The following ZNF66 variants were observed in gnomAD, a reference collection of about 807,000 sequenced individuals.
ZNF66 encodes the protein zinc finger protein 66.
In ZNF66, 32 loss-of-function variants were observed where a neutral mutation model predicts 35.2. That is an observed-to-expected ratio of 0.91 (90% CI 0.69 to 1.22). The LOEUF (loss-of-function observed/expected upper bound fraction) is 1.22, where lower values mean the gene tolerates loss of function less well. ZNF66 is among the 50% of genes most tolerant of loss of function. The pLI, the probability that ZNF66 is intolerant of heterozygous loss-of-function variation, is 0.00. For synonymous variants in ZNF66, 231 were observed against 181.3 expected, an observed-to-expected ratio of 1.27 and a Z score of -2.20; for missense variants, 666 against 543.1, an observed-to-expected ratio of 1.23 and a Z score of -2.25.
chr19:20,787,916 T>C (rs891622829), intron 1 of ZNF66, among the ~76,000 whole-genome samples: 1 of 152,234 alleles, frequency 6.6e-6, no homozygotes, highest in African/African-American at 2.4e-5. Flanking sequence ...TGGTTGATCA[T>C]TGGGCCATCA....
At position 20,808,035 on chromosome 19, in the gene ZNF66, TA is replaced by T. The variant is rs995947303; in HGVS notation, c.*719del. ...TAATACTGCGCAATTCCAATGGGCT[TA>T]AAAAATGGCACACCAGATTATATCC... On this transcript the variant is annotated 3_prime_UTR_variant, in exon 4 of 4. Transcript: ENST00000344519. 2.0e-5 allele frequency among the ~76,000 whole-genome samples: 3 copies of T among 152,126 alleles called. No homozygotes were observed. The highest frequency in any genetic ancestry group is 1.9e-4 in the East Asian group (1 of 5,182).
At chr19:20,781,414 C>CT (rs1971243943) in intron 1 of ZNF66, among the ~76,000 whole-genome samples, 1 of 152,114 alleles carries the variant, frequency 6.6e-6, no homozygotes, top group Admixed American at 6.6e-5. Context: ...GCCTCAGTGT[C>CT]TGTTGTTCTC....
At chr19:20,777,665 TCG>T (rs574731188) in intron 1 of ZNF66, among the ~76,000 whole-genome samples, 56 of 152,014 alleles carry the variant, frequency 3.7e-4, no homozygotes, top group African/African-American at 1.3e-3. Context: ...TCTTGCTCTG[TCG>T]CCAGGCTAGA....
chr19:20,793,413 A>G (rs1214050523), intron 2 of ZNF66, among the ~76,000 whole-genome samples: 1 of 141,308 alleles, frequency 7.1e-6, no homozygotes, highest in Non-Finnish European at 1.5e-5. Flanking sequence ...TTACTGCAAC[A>G]TCCACCTCCC....
chr19:20,802,456 CAA>C (rs1467644114), intron 3 of ZNF66, among the ~76,000 whole-genome samples: 3 of 151,074 alleles, frequency 2.0e-5, no homozygotes, highest in Admixed American at 6.6e-5. Context: ...AGTGCATGCT[CAA>C]GAGTGTGTTT....
chr19:20,786,054 C>CCTGGG (rs1971284372), intron 1 of ZNF66, among the ~76,000 whole-genome samples: 1 of 152,046 alleles, frequency 6.6e-6, no homozygotes. Flanking sequence ...AGGTGTGAGT[C>CCTGGG]ACTACTCCCA....
At chr19:20,779,503 GA>G (rs1402240807) in intron 1 of ZNF66, among the ~76,000 whole-genome samples, 2 of 151,184 alleles carry the variant, frequency 1.3e-5, no homozygotes, top group African/African-American at 2.5e-5. Flanking sequence ...CTGAGGGAGG[GA>G]AATAAACTTA....
rs142052913 is a variant in ZNF66 at position 20,797,189 on chromosome 19, A to ATTT, written c.226+3345_226+3347dup. Among the ~76,000 whole-genome samples the ATTT allele has an allele frequency of 4.0e-3, 182 of 45,478 alleles. 47 individuals carry two copies. Among genetic ancestry groups the ATTT allele is most frequent in the Admixed American group, 9.1e-3 (23 of 2,538 alleles). The allele number at this position is 45,478 out of a possible 152,430, so 29.8% of individuals were successfully genotyped here. A position where few individuals can be genotyped will look rare whatever the true frequency, so the allele number is the denominator to read the frequency against. On this transcript the variant is annotated intron_variant, in intron 3 of 3. Coordinates refer to ENST00000344519, the MANE Select transcript of ZNF66 (RefSeq NM_001355197.2). ...ATAATGCATCAATGTTGCATGCTAG[A>ATTT]TTTTTTTTTTTTTTTTTTTTTTTTT...
chr19:20,804,700 AG>A (rs1301146578), intron 3 of ZNF66, among the ~76,000 whole-genome samples: 1 of 152,232 alleles, frequency 6.6e-6, no homozygotes, highest in Non-Finnish European at 1.5e-5. Context: ...GCTACCTGTT[AG>A]AATCTTTAAG....
rs1971562760 is a variant in ZNF66 at position 20,809,279 on chromosome 19, T to C, written c.*1957T>C. Among the ~76,000 whole-genome samples the C allele has an allele frequency of 6.6e-6, 1 of 151,992 alleles. No individual in the cohort carries two copies. Among genetic ancestry groups the C allele is most frequent in the Non-Finnish European group, 1.5e-5 (1 of 68,008 alleles). On this transcript the variant is annotated 3_prime_UTR_variant, in exon 4 of 4. Transcript: ENST00000344519. Reference sequence around the variant, plus strand: ...CTGCAGGATATTATCCAGGAGAACTTCCCCAATCTAGCAAGGCAGGCCAAC... The same window carrying C: ...CTGCAGGATATTATCCAGGAGAACTCCCCCAATCTAGCAAGGCAGGCCAAC...
chr19:20,793,549 C>T (rs1971362336), intron 2 of ZNF66, among the ~76,000 whole-genome samples: 1 of 151,960 alleles, frequency 6.6e-6, no homozygotes. Flanking sequence ...TCTCAAACTC[C>T]TGACCTTAGG....
rs1349189383 is a variant in ZNF66 at position 20,809,343 on chromosome 19, C to A, written c.*2021C>A. On this transcript the variant is annotated 3_prime_UTR_variant, in exon 4 of 4. Transcript: ENST00000344519. ...AAATACAGAGAACGCCACAAAGATA[C>A]TCCTTGAGAAGAGCAACTCCAAGAC... Among the ~76,000 whole-genome samples the A allele has an allele frequency of 6.6e-6, 1 of 151,928 alleles. No individual in the cohort carries two copies. The highest frequency in any genetic ancestry group is 2.4e-5 in the African/African-American group (1 of 41,358).
intron 3 of ZNF66, among the ~76,000 whole-genome samples, chr19:20,802,274 A>G (rs891337679): frequency 4.6e-5 from 7 of 152,306 alleles, no homozygotes; most frequent in African/African-American, 1.7e-4. Context: ...AGACATTTGA[A>G]AAACATTGAA....
Position 20,807,385 on chromosome 19 carries a change from A to G in ZNF66, c.*63A>G, listed in dbSNP as rs970004383. The G allele has an allele frequency of 2.8e-5, 16 of 567,460 alleles. No individual in the cohort carries two copies. The highest frequency in any genetic ancestry group is 4.7e-5 in the Non-Finnish European group (15 of 317,550). The allele number at this position is 567,460 out of a possible 1,614,324, so 35.2% of individuals were successfully genotyped here. A position where few individuals can be genotyped will look rare whatever the true frequency, so the allele number is the denominator to read the frequency against. On this transcript the variant is annotated 3_prime_UTR_variant, in exon 4 of 4. Transcript: ENST00000344519. ...ACTGGAGAGAAACCCTATGAGTTTG[A>G]TGAATGTGGGAAAGACTTTAACCAG...
At position 20,807,050 on chromosome 19, in the gene ZNF66, G is replaced by A. The variant is rs750667466; in HGVS notation, c.1450G>A (p.Glu484Lys). Residue 484 changes from glutamate to lysine, a missense_variant, in exon 4 of 4, where the codon GAA (glutamate) becomes AAA (lysine). Physicochemically the swap from Glu to Lys is moderately conservative, Grantham distance 56 (BLOSUM62 1). Transcript: ENST00000344519. ...TACTGGAGAGAAGCCTTACAAATGT[G>A]AAGAATGTGGCAAGGCCTTTAAGTG... ...IHTGEKPYKC[E>K]ECGKAFKCSS... is the part of the protein sequence containing the mutation. 5 of 840,008 alleles carry A rather than the reference G, an allele frequency of 6.0e-6. No individual in the cohort carries two copies. In the Admixed American group the frequency reaches 8.8e-5, roughly 15 times the overall value. The allele number at this position is 840,008 out of a possible 1,614,324, so 52.0% of individuals were successfully genotyped here.
chr19:20,779,428 T>G (rs1971225276), intron 1 of ZNF66, among the ~76,000 whole-genome samples: 1 of 152,120 alleles, frequency 6.6e-6, no homozygotes, highest in South Asian at 2.1e-4. Context: ...CAGCATGTTC[T>G]TAGGAGGAAT....
chr19:20,797,569 GTT>G (rs1326296791), intron 3 of ZNF66, among the ~76,000 whole-genome samples: 1 of 139,134 alleles, frequency 7.2e-6, no homozygotes, highest in Non-Finnish European at 1.6e-5. Context: ...TTCAGTGTAG[GTT>G]TTTTTTTTTT....
chr19:20,789,210 T>C (rs9783961), intron 1 of ZNF66, among the ~76,000 whole-genome samples: 1 of 152,108 alleles, frequency 6.6e-6, no homozygotes, highest in South Asian at 2.1e-4. Context: ...GAAAAAAGAA[T>C]ACTGGTAGTA....
At chr19:20,800,293 G>A (rs906202143) in intron 3 of ZNF66, among the ~76,000 whole-genome samples, 1 of 152,148 alleles carries the variant, frequency 6.6e-6, no homozygotes, top group Non-Finnish European at 1.5e-5. Context: ...AGGAGCCATG[G>A]CACCCAGTAG....
Sources: allele counts gnomAD v4.1 joint callset (sites outside exome capture counted in the v4.1 genomes callset), GRCh38; gene constraint gnomAD v4.1.1; transcripts MANE v1.5; gene names NCBI Gene and HGNC (gene_info 2026-07-23, HGNC 2026-07-21).